CACNA1H: variants seen among roughly 807,000 people sequenced by gnomAD.
CACNA1H encodes calcium voltage-gated channel subunit alpha1 H, also known as voltage-dependent T-type calcium channel subunit alpha-1H.
A neutral mutation model predicts 192.5 loss-of-function variants in CACNA1H; 149 were observed. The observed-to-expected ratio is 0.77, with a 90% confidence interval of 0.68 to 0.89. The LOEUF (loss-of-function observed/expected upper bound fraction) is 0.89. Ranked by LOEUF, CACNA1H falls within the 40% of genes least tolerant of loss-of-function variation. CACNA1H has a pLI of 0.00. For synonymous variants in CACNA1H, 2,202 were observed against 1,475.2 expected, an observed-to-expected ratio of 1.49 and a Z score of -11.29; for missense variants, 4,257 against 3,423.5, an observed-to-expected ratio of 1.24 and a Z score of -6.08.
intron 2 of CACNA1H, among the ~76,000 whole-genome samples, chr16:1,170,719 G>A (rs2151704487): frequency 6.6e-6 from 1 of 152,264 alleles, no homozygotes; most frequent in East Asian, 1.9e-4. Flanking sequence ...AGGGAAGCTG[G>A]GCTGGGTTGG....
At chr16:1,213,574 G>A (rs1403088070) in intron 26 of CACNA1H, among the ~76,000 whole-genome samples, 1 of 152,078 alleles carries the variant, frequency 6.6e-6, no homozygotes, top group South Asian at 2.1e-4. Context: ...ATCTCACCTA[G>A]AACAGGGTCC....
rs748210497 is a variant in CACNA1H at position 1,202,219 on chromosome 16, G to C, written c.1769G>C (p.Arg590Pro). Residue 590 changes from arginine to proline, a missense_variant, in exon 9 of 35, where the codon CGG becomes CCG. Arg to Pro is a moderately radical substitution (Grantham distance 103). Transcript: ENST00000348261. ...CHIEGPQERA[R>P]VAHAAATAAA... The stretch of plus-strand genomic sequence containing the variant: ...ATAGAGGGGCCGCAGGAGAGGGCCC[G>C]GGTGGCACATGCCGCAGCCACTGCC... The C allele has an allele frequency of 1.3e-6, 2 of 1,554,556 alleles. No individual in the cohort carries two copies. Among genetic ancestry groups the C allele is most frequent in the Non-Finnish European group, 1.7e-6 (2 of 1,150,584 alleles).
At chr16:1,184,907 A>G (rs1466121349) in intron 2 of CACNA1H, among the ~76,000 whole-genome samples, 20 of 149,216 alleles carry the variant, frequency 1.3e-4, no homozygotes, top group South Asian at 4.2e-4. Context: ...TTTTTTTTTT[A>G]CTTGTTTATG....
chr16:1,214,964 AC>A lies in CACNA1H; in HGVS notation c.4930-3del, dbSNP rs757153084. The A allele has an allele frequency of 1.0e-5, 16 of 1,595,260 alleles. No individual in the cohort carries two copies. In the African/African-American group the frequency reaches 2.0e-4, roughly 20 times the overall value. ...CCCACCTCAGCCAGCCCGACCCTCC[AC>A]CCCCAGTCGCTGGACGAGGCCCTCA... is the stretch of plus-strand genomic sequence containing the variant. On this transcript the variant is annotated splice_polypyrimidine_tract_variant and splice_region_variant and intron_variant, in intron 27 of 34. Transcript: ENST00000348261.
chr16:1,188,349 C>G (rs1161098498), intron 2 of CACNA1H, among the ~76,000 whole-genome samples: 3 of 152,112 alleles, frequency 2.0e-5, no homozygotes, highest in Non-Finnish European at 2.9e-5. Context: ...TACCCAGGAC[C>G]CTGGAGACCG....
rs1970426701 is a variant in CACNA1H, at chr16:1,220,805, A to G, written c.6873A>G (p.Glu2291=). 3 of 1,612,706 alleles carry G rather than the reference A, an allele frequency of 1.9e-6. No homozygotes were observed. In the African/African-American group the frequency reaches 4.0e-5, roughly 22 times the overall value. ...FLDGSHSVTP[E]SRASSSGAIV... ...ACGGTAGCCACAGTGTGACCCCAGAATCCAGAGCTTCCTCTTCAGGGGCCA... is the reference window on the plus strand; with the variant it reads ...ACGGTAGCCACAGTGTGACCCCAGAGTCCAGAGCTTCCTCTTCAGGGGCCA... The change falls in exon 35 of 35, where the codon GAA becomes GAG. Residue 2291 remains glutamate (E), a synonymous_variant. Transcript: ENST00000348261.
Position 1,221,727 on chromosome 16 carries a change from G to A in CACNA1H, c.*733G>A. 1 of 1,448,822 alleles carries A rather than the reference G, an allele frequency of 6.9e-7. No individual in the cohort carries two copies. The highest frequency in any genetic ancestry group is 2.4e-5 in the Admixed American group (1 of 41,154). The allele number at this position is 1,448,822 out of a possible 1,614,324, so 89.7% of individuals were successfully genotyped here. The stretch of plus-strand genomic sequence containing the variant: ...AGAAGACTCAGCTTCTCAAGGGAGA[G>A]GGAGGGGGCGGAGCGGAATAAATAG... On this transcript the variant is annotated 3_prime_UTR_variant, in exon 35 of 35. Coordinates refer to ENST00000348261, the MANE Select transcript of CACNA1H (RefSeq NM_021098.3).
chr16:1,211,080 G>GC (rs1182903646), intron 21 of CACNA1H, 88 bp from the exon 22 acceptor site: 1 of 1,565,436 alleles, frequency 6.4e-7, no homozygotes, highest in Non-Finnish European at 8.7e-7. Context: ...CGCCCACTCG[G>GC]CCCCACCTTG....
intron 30 of CACNA1H, 73 bp downstream of exon 30, chr16:1,215,666 C>A (rs1969965114): frequency 2.5e-6 from 3 of 1,191,004 alleles, no homozygotes; most frequent in African/African-American, 1.5e-5. Flanking sequence ...TCGCCGTCCC[C>A]CTCTCCCCCT....
intron 1 of CACNA1H, 95 bp from the exon 2 acceptor site, chr16:1,153,625 A>G (rs890728300): frequency 9.9e-5 from 75 of 757,636 alleles, no homozygotes; most frequent in Non-Finnish European, 1.2e-4. Context: ...AGACAAAGAC[A>G]TCCCGGCGGC....
At position 1,155,701 on chromosome 16, in the gene CACNA1H, C is replaced by T. The variant is rs575869745; in HGVS notation, c.299+1665C>T. The stretch of plus-strand genomic sequence containing the variant: ...CGGGCCTGGCTGTCCTGTCCCCTCT[C>T]GGCTGAGAGAGTTTTGGAGCCTGGC... On this transcript the variant is annotated intron_variant, in intron 2 of 34. Coordinates refer to ENST00000348261, the MANE Select transcript of CACNA1H (RefSeq NM_021098.3). 3.3e-3 allele frequency among the ~76,000 whole-genome samples: 505 copies of T among 152,284 alleles called. 4 individuals carry two copies. The highest frequency in any genetic ancestry group is 0.011 in the African/African-American group (458 of 41,560).
intron 14 of CACNA1H, 59 bp from the exon 15 acceptor site, chr16:1,207,711 C>A: frequency 1.4e-6 from 2 of 1,434,894 alleles, no homozygotes; most frequent in Non-Finnish European, 1.9e-6. Context: ...TTCTGTCCGG[C>A]ATGAAGGGTC....
intron 2 of CACNA1H, among the ~76,000 whole-genome samples, chr16:1,154,776 G>C (rs1323254900): frequency 6.6e-6 from 1 of 152,220 alleles, no homozygotes; most frequent in Non-Finnish European, 1.5e-5. Context: ...AGACTGCAGA[G>C]AAGGTTCCAG....
At chr16:1,213,745 C>T (rs1464375204) in intron 26 of CACNA1H, 35 bp from the exon 27 acceptor site, 1 of 1,485,894 alleles carries the variant, frequency 6.7e-7, no homozygotes, top group Non-Finnish European at 8.9e-7. Context: ...CCGGGCGGCC[C>T]TCCTGCCCGG....
At chr16:1,163,352 A>G (rs1240969727) in intron 2 of CACNA1H, among the ~76,000 whole-genome samples, 1 of 152,156 alleles carries the variant, frequency 6.6e-6, no homozygotes, top group African/African-American at 2.4e-5. Flanking sequence ...GTGTGGAGCT[A>G]CGAGTCTCCC....
rs1380130047 is a variant in CACNA1H, at chr16:1,221,756, CTTAT to C, written c.*766_*769del. On this transcript the variant is annotated 3_prime_UTR_variant, in exon 35 of 35. Coordinates refer to ENST00000348261, the MANE Select transcript of CACNA1H (RefSeq NM_021098.3). The stretch of plus-strand genomic sequence containing the variant: ...GGGGGCGGAGCGGAATAAATAGTAA[CTTAT>C]TTAAGAAATGCACTTGGATTCCTGC... The C allele has an allele frequency of 3.2e-6, 5 of 1,563,734 alleles. No individual in the cohort carries two copies. In the African/African-American group the frequency reaches 5.4e-5, roughly 17 times the overall value.
intron 2 of CACNA1H, among the ~76,000 whole-genome samples, chr16:1,178,414 C>G (rs1361255915): frequency 6.6e-6 from 1 of 151,242 alleles, no homozygotes; most frequent in East Asian, 2.0e-4. Context: ...GAGTCCTAAC[C>G]CACCCCCCCA....
chr16:1,201,779 C>T lies in CACNA1H; in HGVS notation c.1329C>T (p.Asn443=), dbSNP rs368405304. 23 of 1,602,300 alleles carry T rather than the reference C, an allele frequency of 1.4e-5. No homozygotes were observed. Among genetic ancestry groups the T allele is most frequent in the African/African-American group, 9.4e-5 (7 of 74,742 alleles). The part of the protein sequence containing the change: ...MREQRARHLS[N]DSTLASFSEP... ...AGCAGCGGGCACGCCACCTGTCCAA[C>T]GACAGCACGCTGGCCAGCTTCTCCG... Residue 443 remains asparagine (N), a synonymous_variant, in exon 9 of 35, where the codon AAC becomes AAT. Coordinates refer to ENST00000348261, the MANE Select transcript of CACNA1H (RefSeq NM_021098.3).
intron 17 of CACNA1H, 143 bp downstream of exon 17, chr16:1,209,555 A>G: frequency 9.8e-7 from 1 of 1,016,290 alleles, no homozygotes; most frequent in Non-Finnish European, 1.4e-6. Context: ...CAGGCCAGGG[A>G]GGAATCCAGC....
Sources: gnomAD v4.1 joint callset for allele counts (sites outside exome capture counted in the v4.1 genomes callset) on GRCh38, gnomAD v4.1.1 for gene constraint, MANE v1.5 for transcripts, NCBI Gene and HGNC (gene_info 2026-07-23, HGNC 2026-07-21) for gene names.